Variants in NEGR1 observed in about 807,000 individuals in gnomAD.
The protein encoded by NEGR1 is IgLON family member 4.
NEGR1 carries 10 observed loss-of-function variants against 40.9 expected under a neutral mutation model. The ratio of observed to expected loss-of-function variants is 0.24; its 90% CI spans 0.15 to 0.42. The LOEUF (loss-of-function observed/expected upper bound fraction) is 0.42. NEGR1 is among the 10% of genes least tolerant of loss of function. The pLI, the probability that NEGR1 is intolerant of heterozygous loss-of-function variation, is 1.00. For missense variants in NEGR1, 352 were observed against 438.9 expected (o/e 0.80, Z 1.77); for synonymous variants, 185 against 166.8 (o/e 1.11, Z -0.84).
chr1:72,052,889 CA>C (rs1406852679), intron 1 of NEGR1, among the ~76,000 whole-genome samples: 9 of 151,406 alleles, frequency 5.9e-5, no homozygotes, highest in African/African-American at 2.2e-4. Context: ...ATTAGATTCT[CA>C]ATGGATTTGG....
chr1:72,038,574 T>C (rs1365060967), intron 1 of NEGR1, among the ~76,000 whole-genome samples: 1 of 151,978 alleles, frequency 6.6e-6, no homozygotes, highest in African/African-American at 2.4e-5. Context: ...TGATTTCTGT[T>C]CTAAAAACAT....
At chr1:72,017,248 A>C (rs1317744215) in intron 1 of NEGR1, among the ~76,000 whole-genome samples, 1 of 152,062 alleles carries the variant, frequency 6.6e-6, no homozygotes, top group Non-Finnish European at 1.5e-5. Context: ...AAACAAGATG[A>C]ATGTTACAGA....
intron 3 of NEGR1, among the ~76,000 whole-genome samples, chr1:71,728,132 C>A (rs1216972508): frequency 1.3e-5 from 2 of 152,064 alleles, no homozygotes; most frequent in Non-Finnish European, 2.9e-5. Context: ...AGCAGGCAGA[C>A]CAGAATTATC....
chr1:71,422,882 T>G (rs1346001338), intron 6 of NEGR1: 1 of 152,140 alleles, frequency 6.6e-6, no homozygotes, highest in Non-Finnish European at 1.5e-5. Context: ...TATTGAACAT[T>G]TTGAGTCTTT....
chr1:71,525,131 T>C (rs1003783825), intron 6 of NEGR1, among the ~76,000 whole-genome samples: 1 of 151,774 alleles, frequency 6.6e-6, no homozygotes, highest in African/African-American at 2.4e-5. Flanking sequence ...AATCATTCAT[T>C]CACCCATCCA....
intron 1 of NEGR1, among the ~76,000 whole-genome samples, chr1:72,204,392 T>C (rs757667564): frequency 1.3e-5 from 2 of 152,076 alleles, no homozygotes; most frequent in Non-Finnish European, 2.9e-5. Flanking sequence ...GTAAAAGAAT[T>C]TTTAGAGAGG....
At chr1:71,740,564 T>C (rs556424425) in intron 3 of NEGR1, among the ~76,000 whole-genome samples, 1 of 152,266 alleles carries the variant, frequency 6.6e-6, no homozygotes, top group African/African-American at 2.4e-5. Context: ...GGGGCCTGTC[T>C]GCTGAACACA....
intron 6 of NEGR1, among the ~76,000 whole-genome samples, chr1:71,449,233 T>G (rs1046722068): frequency 3.3e-5 from 5 of 152,214 alleles, no homozygotes; most frequent in East Asian, 1.9e-4. Flanking sequence ...ATATGAAAAT[T>G]TTATTGTTTC....
At chr1:72,156,835 A>T (rs575656272) in intron 1 of NEGR1, among the ~76,000 whole-genome samples, 2 of 152,304 alleles carry the variant, frequency 1.3e-5, no homozygotes, top group African/African-American at 4.8e-5. Flanking sequence ...TGCTTTTTAA[A>T]TATAAGAAAG....
intron 3 of NEGR1, among the ~76,000 whole-genome samples, chr1:71,712,034 A>G (rs1031944169): frequency 6.6e-6 from 1 of 152,204 alleles, no homozygotes; most frequent in South Asian, 2.1e-4. Context: ...AGGCTGGTTT[A>G]GTATTGAAGG....
intron 6 of NEGR1, among the ~76,000 whole-genome samples, chr1:71,572,166 A>T (rs1170103883): frequency 6.6e-6 from 1 of 152,196 alleles, no homozygotes; most frequent in Non-Finnish European, 1.5e-5. Context: ...CTAACAAGCC[A>T]TCTAAGCATT....
At chr1:71,662,657 T>C (rs1235769507) in intron 4 of NEGR1, among the ~76,000 whole-genome samples, 2 of 151,768 alleles carry the variant, frequency 1.3e-5, no homozygotes, top group African/African-American at 2.4e-5. Context: ...AATGTGATTA[T>C]ATTTATAACG....
At chr1:71,844,664 G>T (rs1055287129) in intron 2 of NEGR1, among the ~76,000 whole-genome samples, 2 of 152,164 alleles carry the variant, frequency 1.3e-5, no homozygotes, top group African/African-American at 4.8e-5. Context: ...AGCAGGAATG[G>T]CATAAAATCA....
intron 1 of NEGR1, among the ~76,000 whole-genome samples, chr1:72,130,854 T>C (rs1322171099): frequency 6.6e-6 from 1 of 152,034 alleles, no homozygotes; most frequent in Non-Finnish European, 1.5e-5. Flanking sequence ...TGTTAATGAG[T>C]ACAAACTTTA....
chr1:71,624,691 T>C (rs551902456), intron 4 of NEGR1, among the ~76,000 whole-genome samples: 33 of 152,028 alleles, frequency 2.2e-4, no homozygotes, highest in African/African-American at 7.5e-4. Flanking sequence ...CCCTCAGATA[T>C]TGACATGTCG....
intron 1 of NEGR1, among the ~76,000 whole-genome samples, chr1:71,997,232 G>T (rs1302581443): frequency 6.6e-6 from 1 of 151,940 alleles, no homozygotes; most frequent in Non-Finnish European, 1.5e-5. Context: ...GTCTCTATAA[G>T]TCAATTCTTA....
chr1:72,241,573 C>T (rs1310679475), intron 1 of NEGR1, among the ~76,000 whole-genome samples: 1 of 151,644 alleles, frequency 6.6e-6, no homozygotes, highest in Non-Finnish European at 1.5e-5. Context: ...TATTCTTACA[C>T]AGTAACTGTG....
chr1:71,519,744 ATT>A (rs1647141716), intron 6 of NEGR1, among the ~76,000 whole-genome samples: 1 of 143,700 alleles, frequency 7.0e-6, no homozygotes. Flanking sequence ...AAAAAAAAAA[ATT>A]AAAAAAAAAC....
At chr1:71,477,708 A>C (rs1256020275) in intron 6 of NEGR1, among the ~76,000 whole-genome samples, 1 of 151,924 alleles carries the variant, frequency 6.6e-6, no homozygotes, top group Admixed American at 6.6e-5. Flanking sequence ...TAGAAGGTAA[A>C]TCTCTTGCTT....
Sources: gnomAD v4.1 joint callset for allele counts (sites outside exome capture counted in the v4.1 genomes callset) on GRCh38, gnomAD v4.1.1 for gene constraint, MANE v1.5 for transcripts, NCBI Gene and HGNC (gene_info 2026-07-23, HGNC 2026-07-21) for gene names.